TSHZ2: variants seen among roughly 807,000 people sequenced by gnomAD.
TSHZ2 encodes teashirt homolog 2.
TSHZ2 carries 21 observed loss-of-function variants against 74.4 expected under a neutral mutation model. The ratio of observed to expected loss-of-function variants is 0.28; its 90% CI spans 0.20 to 0.41. The LOEUF is 0.41. TSHZ2 is among the 10% of genes least tolerant of loss of function. TSHZ2 has a pLI of 1.00. For missense variants in TSHZ2, 1,244 were observed against 1,293.5 expected (o/e 0.96, Z 0.59); for synonymous variants, 540 against 515.3 (o/e 1.05, Z -0.65).
Position 53,253,854 on chromosome 20 carries a change from C to T in TSHZ2, c.396C>T (p.Ile132=). 6.2e-7 allele frequency: 1 copy of T among 1,614,216 alleles called. No individual in the cohort carries two copies. Among genetic ancestry groups the T allele is most frequent in the Non-Finnish European group, 8.5e-7 (1 of 1,180,052 alleles). The part of the protein sequence containing the change: ...MDKMTAVYAN[I]LSDSYWSGLG... ...AAATGACCGCTGTCTACGCCAACAT[C>T]CTGTCGGATTCCTACTGGTCAGGCC... Residue 132 remains isoleucine (I), a synonymous_variant, in exon 2 of 3, where the codon ATC becomes ATT. Coordinates refer to ENST00000371497, the MANE Select transcript of TSHZ2 (RefSeq NM_173485.6).
intron 1 of TSHZ2, among the ~76,000 whole-genome samples, chr20:52,985,188 CAG>C (rs1981708852): frequency 6.6e-6 from 1 of 152,090 alleles, no homozygotes; most frequent in African/African-American, 2.4e-5. Flanking sequence ...GTCTGACAGA[CAG>C]GCATGGGTTC....
intron 1 of TSHZ2, among the ~76,000 whole-genome samples, chr20:53,162,989 TAGAA>T (rs1987978148): frequency 6.6e-6 from 1 of 152,224 alleles, no homozygotes; most frequent in Non-Finnish European, 1.5e-5. Flanking sequence ...AGTTTACTAT[TAGAA>T]AGTACTGAAA....
intron 1 of TSHZ2, among the ~76,000 whole-genome samples, chr20:53,246,036 C>CTTTTTTTTTTTTTTTTTTTTTTTTTTTTT (rs201257665): frequency 7.9e-6 from 1 of 126,740 alleles, no homozygotes; most frequent in Non-Finnish European, 1.7e-5. Context: ...TTCTTTCTTT[C>CTTTTTTTTTTTTTTTTTTTTTTTTTTTTT]TTTCTTTTTT....
chr20:53,259,660 T>C (rs1990561843), intron 2 of TSHZ2, among the ~76,000 whole-genome samples: 1 of 152,190 alleles, frequency 6.6e-6, no homozygotes, highest in Non-Finnish European at 1.5e-5. Context: ...TGTGGGCGGC[T>C]TGATAAAAAC....
chr20:53,268,308 T>A (rs993608298), intron 2 of TSHZ2, among the ~76,000 whole-genome samples: 1 of 152,100 alleles, frequency 6.6e-6, no homozygotes, highest in African/African-American at 2.4e-5. Context: ...TCAACAAAGA[T>A]GGGAACCAGT....
chr20:53,124,469 A>G (rs1056493537), intron 1 of TSHZ2, among the ~76,000 whole-genome samples: 1 of 152,226 alleles, frequency 6.6e-6, no homozygotes, highest in Non-Finnish European at 1.5e-5. Context: ...TCTGAGAGAC[A>G]GATCACATTT....
At chr20:53,196,420 A>G (rs1456978126) in intron 1 of TSHZ2, 2 of 149,192 alleles carry the variant, frequency 1.3e-5, no homozygotes, top group African/African-American at 4.9e-5. Context: ...AGAATACGCC[A>G]CCTAGTGAAG....
intron 1 of TSHZ2, among the ~76,000 whole-genome samples, chr20:53,049,166 C>A (rs1984335785): frequency 6.6e-6 from 1 of 152,154 alleles, no homozygotes; most frequent in Non-Finnish European, 1.5e-5. Flanking sequence ...TGAACATCGG[C>A]TATTGGTACT....
In TSHZ2 at chr20:53,389,115, T is replaced by C. The variant is rs917576229; in HGVS notation, c.*9-98029T>C. Among the ~76,000 whole-genome samples, 17 of 152,340 alleles carry C rather than the reference T, an allele frequency of 1.1e-4. No homozygotes were observed. In the East Asian group the frequency reaches 2.9e-3, roughly 26 times the overall value. On this transcript the variant is annotated intron_variant, in intron 2 of 2. Coordinates refer to ENST00000371497, the MANE Select transcript of TSHZ2 (RefSeq NM_173485.6). ...TGTGTGACCTTTTCCTCATCAGTTA[T>C]GGGAGATTTTCCAAAAGTATGAATG...
chr20:53,015,731 C>T (rs1983013868), intron 1 of TSHZ2, among the ~76,000 whole-genome samples: 1 of 152,136 alleles, frequency 6.6e-6, no homozygotes. Flanking sequence ...AATGCCACAC[C>T]ATTAGACATT....
At chr20:53,238,421 C>T (rs2214531) in intron 1 of TSHZ2, among the ~76,000 whole-genome samples, 107,545 of 151,980 alleles carry the variant, frequency 0.71, 39,074 homozygotes, top group African/African-American at 0.88. Context: ...GTGAAATGGA[C>T]CTACTCCAGC....
At chr20:53,272,361 C>T (rs1261436069) in intron 2 of TSHZ2, among the ~76,000 whole-genome samples, 2 of 152,104 alleles carry the variant, frequency 1.3e-5, no homozygotes, top group Non-Finnish European at 2.9e-5. Context: ...ACAAGGTCGA[C>T]CTCCACCTCG....
intron 1 of TSHZ2, among the ~76,000 whole-genome samples, chr20:53,004,578 C>T (rs1982570204): frequency 6.6e-6 from 1 of 152,158 alleles, no homozygotes; most frequent in Admixed American, 6.5e-5. Context: ...CCGGGAAAAG[C>T]ATAAAACAAG....
intron 1 of TSHZ2, among the ~76,000 whole-genome samples, chr20:53,157,852 G>A (rs781506455): frequency 2.0e-5 from 3 of 152,020 alleles, no homozygotes; most frequent in Non-Finnish European, 4.4e-5. Flanking sequence ...TAGGCATTTG[G>A]GGGTCGCAAT....
chr20:53,271,984 T>C (rs1429073493), intron 2 of TSHZ2, among the ~76,000 whole-genome samples: 1 of 152,174 alleles, frequency 6.6e-6, no homozygotes, highest in Non-Finnish European at 1.5e-5. Context: ...AAATTGACTT[T>C]GCAGGGCTGG....
intron 2 of TSHZ2, among the ~76,000 whole-genome samples, chr20:53,441,336 G>A (rs542251156): frequency 6.6e-6 from 1 of 151,044 alleles, no homozygotes; most frequent in East Asian, 1.9e-4. Flanking sequence ...CACGATCTCG[G>A]CTCACTGCAA....
chr20:53,330,234 G>A (rs1274988789), intron 2 of TSHZ2, among the ~76,000 whole-genome samples: 8 of 151,970 alleles, frequency 5.3e-5, no homozygotes, highest in Non-Finnish European at 1.5e-5. Flanking sequence ...CATAAGAAGT[G>A]CAAGGAAATG....
chr20:53,025,259 T>C (rs1983396966), intron 1 of TSHZ2, among the ~76,000 whole-genome samples: 1 of 152,156 alleles, frequency 6.6e-6, no homozygotes, highest in Non-Finnish European at 1.5e-5. Flanking sequence ...TTAAACATTT[T>C]ATAGTAAGAG....
chr20:53,259,048 C>T (rs1990545535), intron 2 of TSHZ2, among the ~76,000 whole-genome samples: 1 of 152,172 alleles, frequency 6.6e-6, no homozygotes, highest in Admixed American at 6.5e-5. Flanking sequence ...GAAAAAAATG[C>T]CTCCACCCCC....
Sources: allele counts gnomAD v4.1 joint callset (sites outside exome capture counted in the v4.1 genomes callset), GRCh38; gene constraint gnomAD v4.1.1; transcripts MANE v1.5; gene names NCBI Gene and HGNC (gene_info 2026-07-23, HGNC 2026-07-21).